Variants in SMCO4 observed in about 807,000 individuals in gnomAD.
SMCO4 encodes single-pass membrane protein with coiled-coil domains 4.
In SMCO4, 4 loss-of-function variants were observed where a neutral mutation model predicts 3.6. The ratio of observed to expected loss-of-function variants is 1.11; its 90% CI spans 0.54 to 2.53. The LOEUF is 2.53. Among genes scored for constraint, SMCO4 ranks in the 30% most tolerant of loss-of-function variants. The pLI, the probability that SMCO4 is intolerant of heterozygous loss-of-function variation, is 0.02. For synonymous variants in SMCO4, 36 were observed against 35.3 expected, an observed-to-expected ratio of 1.02 and a Z score of -0.07; for missense variants, 70 against 80.8, an observed-to-expected ratio of 0.87 and a Z score of 0.51.
intron 1 of SMCO4, among the ~76,000 whole-genome samples, chr11:93,529,664 A>G (rs952702984): frequency 6.6e-6 from 1 of 152,128 alleles, no homozygotes; most frequent in Non-Finnish European, 1.5e-5. Context: ...AGGAAATTAA[A>G]TGTCAACCAA....
the SMCO4 span, among the ~76,000 whole-genome samples, chr11:93,548,625 G>T: frequency 6.6e-6 from 1 of 152,304 alleles, no homozygotes; most frequent in East Asian, 1.9e-4. Flanking sequence ...CTGGGCCTTG[G>T]TTCTGTCCTG....
chr11:93,523,085 T>C (rs543470540), intron 1 of SMCO4, among the ~76,000 whole-genome samples: 1 of 152,068 alleles, frequency 6.6e-6, no homozygotes, highest in South Asian at 2.1e-4. Context: ...ACATAAAAAC[T>C]AATGTGGAAA....
intron 1 of SMCO4, among the ~76,000 whole-genome samples, chr11:93,524,028 C>G (rs569867783): frequency 1.3e-5 from 2 of 152,260 alleles, no homozygotes; most frequent in Admixed American, 6.5e-5. Context: ...GTTACTAATG[C>G]CCTTCAGGGG....
At chr11:93,519,061 T>C (rs1028486301) in intron 1 of SMCO4, among the ~76,000 whole-genome samples, 6 of 152,216 alleles carry the variant, frequency 3.9e-5, no homozygotes, top group East Asian at 1.9e-4. Context: ...CTGTCAGCAC[T>C]ACTTAAGAAT....
chr11:93,526,051 G>C (rs1426589878), intron 1 of SMCO4, among the ~76,000 whole-genome samples: 1 of 152,196 alleles, frequency 6.6e-6, no homozygotes, highest in Non-Finnish European at 1.5e-5. Flanking sequence ...TCTCATGACA[G>C]GGACTTCTCA....
At chr11:93,515,018 T>G (rs1025071535) in intron 1 of SMCO4, among the ~76,000 whole-genome samples, 8 of 152,182 alleles carry the variant, frequency 5.3e-5, no homozygotes, top group Non-Finnish European at 8.8e-5. Flanking sequence ...CTCTAAAATT[T>G]TGGCACCATT....
upstream of SMCO4, among the ~76,000 whole-genome samples, chr11:93,548,339 C>CA (rs1949327321): frequency 6.6e-6 from 1 of 152,122 alleles, no homozygotes; most frequent in African/African-American, 2.4e-5. Flanking sequence ...TTCCCACTCC[C>CA]AAAATGTTTT....
the SMCO4 span, among the ~76,000 whole-genome samples, chr11:93,551,924 T>C: frequency 1.3e-5 from 2 of 152,170 alleles, no homozygotes; most frequent in Admixed American, 1.3e-4. Context: ...CCATCTGGTA[T>C]CGCTTTGATT....
At position 93,510,137 on chromosome 11, in the gene SMCO4, G is replaced by A. The variant is rs1407643688; in HGVS notation, c.-153-10789C>T. On this transcript the variant is annotated intron_variant, in intron 1 of 2. Transcript: ENST00000298966. ...ACCACCTACTTGACAAGGTTGGTGT[G>A]AGCATCATGGACTCTGAGTACAGGT... Among the ~76,000 whole-genome samples, 7 of 152,210 alleles carry A rather than the reference G, an allele frequency of 4.6e-5. No individual in the cohort carries two copies. In the East Asian group the frequency reaches 1.3e-3, roughly 29 times the overall value.
At chr11:93,535,751 A>G (rs1949217526) in intron 1 of SMCO4, 15 of 1,613,184 alleles carry the variant, frequency 9.3e-6, no homozygotes, top group Non-Finnish European at 1.2e-5. Context: ...GATGGGCTGA[A>G]GAAGAGAGAC....
chr11:93,546,647 G>A (rs1464228141), upstream of SMCO4, among the ~76,000 whole-genome samples: 4 of 152,212 alleles, frequency 2.6e-5, no homozygotes, highest in Admixed American at 2.6e-4. Context: ...GCAGAACTGG[G>A]ATGACCAATT....
intron 2 of SMCO4, among the ~76,000 whole-genome samples, chr11:93,498,801 T>A (rs1242050242): frequency 6.6e-6 from 1 of 152,108 alleles, no homozygotes; most frequent in South Asian, 2.1e-4. Context: ...GCAGGCCTCT[T>A]GTGGAGAGGC....
intron 1 of SMCO4, among the ~76,000 whole-genome samples, chr11:93,536,224 C>A (rs1030503018): frequency 9.2e-5 from 14 of 152,148 alleles, no homozygotes; most frequent in African/African-American, 3.4e-4. Context: ...CAGCCCATTA[C>A]CACTGACAAC....
At chr11:93,500,345 C>T (rs71480682) in intron 1 of SMCO4, among the ~76,000 whole-genome samples, 18,156 of 152,202 alleles carry the variant, frequency 0.12, 1,330 homozygotes, top group Non-Finnish European at 0.17. Context: ...GTGCTGCCTT[C>T]ATATTCTCTT....
intron 2 of SMCO4, among the ~76,000 whole-genome samples, chr11:93,484,254 AT>A (rs1444663759): frequency 6.6e-6 from 1 of 151,986 alleles, no homozygotes. Context: ...ATTGTTTGTG[AT>A]TTTTTTTCTG....
intron 2 of SMCO4, among the ~76,000 whole-genome samples, chr11:93,498,919 C>T (rs1432890243): frequency 1.3e-5 from 2 of 152,148 alleles, no homozygotes; most frequent in African/African-American, 2.4e-5. Context: ...AAACAGGCAA[C>T]GAGAATAAAG....
intron 1 of SMCO4, among the ~76,000 whole-genome samples, chr11:93,504,050 A>G (rs1422554991): frequency 6.6e-6 from 1 of 152,236 alleles, no homozygotes; most frequent in Non-Finnish European, 1.5e-5. Context: ...AAGAAGGATT[A>G]TGGGTAATTT....
chr11:93,527,864 C>T (rs1949124152), intron 1 of SMCO4, among the ~76,000 whole-genome samples: 1 of 152,030 alleles, frequency 6.6e-6, no homozygotes, highest in African/African-American at 2.4e-5. Flanking sequence ...AGCCCTCAAA[C>T]TCCTGGGTTC....
chr11:93,536,154 A>G (rs1327073135), intron 1 of SMCO4, among the ~76,000 whole-genome samples: 3 of 152,166 alleles, frequency 2.0e-5, no homozygotes, highest in Non-Finnish European at 4.4e-5. Flanking sequence ...TTGCAACCTC[A>G]CCAATAATAA....
Sources: allele counts gnomAD v4.1 joint callset (sites outside exome capture counted in the v4.1 genomes callset), GRCh38; gene constraint gnomAD v4.1.1; transcripts MANE v1.5; gene names NCBI Gene and HGNC (gene_info 2026-07-23, HGNC 2026-07-21).